The following LMX1A variants were observed in gnomAD, a reference collection of about 807,000 sequenced individuals.
LMX1A encodes the protein LIM homeobox transcription factor 1 alpha.
A neutral mutation model predicts 49.1 loss-of-function variants in LMX1A; 15 were observed. That is an observed-to-expected ratio of 0.31 (90% confidence interval 0.20 to 0.47). The LOEUF is 0.47. LMX1A is among the 20% of genes least tolerant of loss of function. The probability of loss-of-function intolerance (pLI) is 1.00; values close to 1 mark genes in which losing one functional copy is unlikely to be tolerated. For missense variants in LMX1A, 372 were observed against 475.8 expected (o/e 0.78, Z 2.03); for synonymous variants, 167 against 185.7 (o/e 0.90, Z 0.82).
At chr1:165,285,470 C>T (rs549356237) in intron 3 of LMX1A, among the ~76,000 whole-genome samples, 1 of 152,362 alleles carries the variant, frequency 6.6e-6, no homozygotes, top group South Asian at 2.1e-4. Context: ...ATGCTGCACA[C>T]CTTTTCTGTT....
At chr1:165,227,005 G>A (rs1557855651) in intron 4 of LMX1A, among the ~76,000 whole-genome samples, 1 of 152,170 alleles carries the variant, frequency 6.6e-6, no homozygotes, top group African/African-American at 2.4e-5. Flanking sequence ...GCTAAGAAGT[G>A]TTTTGGTAAA....
At chr1:165,274,090 T>G (rs1167657737) in intron 3 of LMX1A, among the ~76,000 whole-genome samples, 1 of 152,218 alleles carries the variant, frequency 6.6e-6, no homozygotes, top group African/African-American at 2.4e-5. Context: ...CCATATAATC[T>G]CATCCTAGCT....
At chr1:165,329,956 T>C (rs1198519591) in intron 3 of LMX1A, among the ~76,000 whole-genome samples, 2 of 152,218 alleles carry the variant, frequency 1.3e-5, no homozygotes, top group African/African-American at 4.8e-5. Context: ...TCATTAGCAA[T>C]GTGACTTCCT....
At chr1:165,340,026 C>T (rs895389703) in intron 3 of LMX1A, among the ~76,000 whole-genome samples, 1 of 152,144 alleles carries the variant, frequency 6.6e-6, no homozygotes, top group African/African-American at 2.4e-5. Context: ...ATCACTCCCC[C>T]TATTTCTTCA....
chr1:165,280,416 C>T (rs1322166279), intron 3 of LMX1A, among the ~76,000 whole-genome samples: 3 of 151,988 alleles, frequency 2.0e-5, no homozygotes, highest in Non-Finnish European at 2.9e-5. Flanking sequence ...CCAGCCTCTT[C>T]AGTGGGCTGA....
intron 3 of LMX1A, among the ~76,000 whole-genome samples, chr1:165,295,808 C>T (rs527338648): frequency 2.6e-5 from 4 of 152,242 alleles, no homozygotes; most frequent in African/African-American, 9.6e-5. Context: ...AAAACTACCT[C>T]CCAGAGGCAG....
At chr1:165,280,966 C>T (rs1308492117) in intron 3 of LMX1A, among the ~76,000 whole-genome samples, 2 of 152,078 alleles carry the variant, frequency 1.3e-5, no homozygotes, top group African/African-American at 4.8e-5. Flanking sequence ...GATGGATATG[C>T]TACTTACAAA....
At chr1:165,275,847 ATGTG>A (rs529022372) in intron 3 of LMX1A, among the ~76,000 whole-genome samples, 10,033 of 138,928 alleles carry the variant, frequency 0.072, 397 homozygotes, top group Middle Eastern at 0.097. Context: ...GTGTGTGTGT[ATGTG>A]TGTGTGTGTG....
chr1:165,354,185 T>TC (rs1034867819), intron 2 of LMX1A, among the ~76,000 whole-genome samples: 1 of 151,982 alleles, frequency 6.6e-6, no homozygotes, highest in South Asian at 2.1e-4. Flanking sequence ...CTTGCCCTTG[T>TC]CCCCCCAGTA....
chr1:165,320,134 G>T (rs1655340891), intron 3 of LMX1A, among the ~76,000 whole-genome samples: 1 of 152,162 alleles, frequency 6.6e-6, no homozygotes, highest in Admixed American at 6.5e-5. Flanking sequence ...AACTGGAATA[G>T]AAAATTGGGA....
intron 4 of LMX1A, among the ~76,000 whole-genome samples, chr1:165,235,334 A>C (rs960001433): frequency 2.0e-5 from 3 of 152,170 alleles, no homozygotes; most frequent in Non-Finnish European, 4.4e-5. Context: ...GAAAGAGGGA[A>C]GGCAATCTCG....
At chr1:165,328,817 C>G (rs973242896) in intron 3 of LMX1A, among the ~76,000 whole-genome samples, 12 of 152,212 alleles carry the variant, frequency 7.9e-5, no homozygotes, top group Admixed American at 4.6e-4. Context: ...AAGAACATGG[C>G]TTCCAGAAAT....
intron 5 of LMX1A, 117 bp downstream of exon 5, chr1:165,213,524 G>C: frequency 1.0e-6 from 1 of 955,478 alleles, no homozygotes; most frequent in Non-Finnish European, 1.6e-6. Context: ...TGCAGGCTCT[G>C]TCTGAACAGC....
chr1:165,218,203 C>A (rs556438418), intron 4 of LMX1A, among the ~76,000 whole-genome samples: 2 of 152,232 alleles, frequency 1.3e-5, no homozygotes. Context: ...TCCTGTGTCC[C>A]GTTCTTCCAG....
At chr1:165,236,741 T>G (rs1158303387) in intron 4 of LMX1A, among the ~76,000 whole-genome samples, 1 of 149,294 alleles carries the variant, frequency 6.7e-6, no homozygotes, top group Non-Finnish European at 1.5e-5. Flanking sequence ...GCAATGGCTC[T>G]CAAGCCTGCT....
rs181545612 is a variant in LMX1A, at chr1:165,310,421, C to A, written c.263+42655G>T. ...CTTTGTGTTTTTAATAGAAACTCAT[C>A]AGGTATAGTATTACAAAGTCAAAGT... On this transcript the variant is annotated intron_variant, in intron 3 of 8. Coordinates refer to ENST00000342310, the MANE Select transcript of LMX1A (RefSeq NM_177398.4). Among the ~76,000 whole-genome samples, 27 of 152,300 alleles carry A rather than the reference C, an allele frequency of 1.8e-4. 1 individual carries two copies. The highest frequency in any genetic ancestry group is 1.2e-3 in the East Asian group (6 of 5,184).
At chr1:165,349,264 T>G (rs1259826629) in intron 3 of LMX1A, among the ~76,000 whole-genome samples, 1 of 152,240 alleles carries the variant, frequency 6.6e-6, no homozygotes, top group African/African-American at 2.4e-5. Flanking sequence ...GAAGTCCAAC[T>G]GCAGTATTTG....
intron 4 of LMX1A, among the ~76,000 whole-genome samples, chr1:165,231,078 G>T (rs1269903040): frequency 1.3e-5 from 2 of 150,390 alleles, no homozygotes; most frequent in African/African-American, 4.9e-5. Flanking sequence ...AAATAATTAG[G>T]TTTTTTAAAA....
intron 3 of LMX1A, among the ~76,000 whole-genome samples, chr1:165,265,226 T>G (rs1202545299): frequency 7.0e-6 from 1 of 143,308 alleles, no homozygotes; most frequent in South Asian, 2.2e-4. Flanking sequence ...AAAGAAAAAA[T>G]GGAAAAGGAG....
Sources: gnomAD v4.1 joint callset for allele counts (sites outside exome capture counted in the v4.1 genomes callset) on GRCh38, gnomAD v4.1.1 for gene constraint, MANE v1.5 for transcripts, NCBI Gene and HGNC (gene_info 2026-07-23, HGNC 2026-07-21) for gene names.